ENTREP2: variants seen among roughly 807,000 people sequenced by gnomAD.
ENTREP2 encodes the protein endosomal transmembrane epsin interactor 2.
chr15:29,630,024 G>A, the ENTREP2 span, among the ~76,000 whole-genome samples: 1 of 152,300 alleles, frequency 6.6e-6, no homozygotes, highest in East Asian at 1.9e-4. Context: ...GGCTGAGGCA[G>A]CAGAACGCTT....
At chr15:29,212,389 C>T in the ENTREP2 span, among the ~76,000 whole-genome samples, 1 of 152,114 alleles carries the variant, frequency 6.6e-6, no homozygotes, top group Admixed American at 6.6e-5. Flanking sequence ...GTTAATCTTG[C>T]TAATGGTCTA....
At chr15:29,531,408 G>C in the ENTREP2 span, among the ~76,000 whole-genome samples, 3 of 152,222 alleles carry the variant, frequency 2.0e-5, no homozygotes, top group South Asian at 2.1e-4. Context: ...GGACTGGTGT[G>C]GGGGAGGGCC....
the ENTREP2 span, among the ~76,000 whole-genome samples, chr15:29,429,094 T>C: frequency 6.6e-6 from 1 of 152,202 alleles, no homozygotes; most frequent in African/African-American, 2.4e-5. Context: ...CATCCATCCA[T>C]CCATCTTGAG....
chr15:29,636,026 A>G, the ENTREP2 span, among the ~76,000 whole-genome samples: 1 of 152,180 alleles, frequency 6.6e-6, no homozygotes, highest in Non-Finnish European at 1.5e-5. Context: ...TGCAGGAGCC[A>G]GAGATACAGA....
the ENTREP2 span, among the ~76,000 whole-genome samples, chr15:29,590,704 A>G: frequency 6.7e-6 from 1 of 148,836 alleles, no homozygotes; most frequent in Non-Finnish European, 1.5e-5. Flanking sequence ...AAAAAAAAAA[A>G]GAAAAAGAAA....
the ENTREP2 span, among the ~76,000 whole-genome samples, chr15:29,296,116 C>A: frequency 1.3e-5 from 2 of 152,166 alleles, no homozygotes; most frequent in Non-Finnish European, 2.9e-5. Flanking sequence ...AGTCTGCTGG[C>A]CTACCCTGCA....
At chr15:29,272,450 C>T in the ENTREP2 span, among the ~76,000 whole-genome samples, 6 of 150,584 alleles carry the variant, frequency 4.0e-5, no homozygotes, top group African/African-American at 1.5e-4. Flanking sequence ...CAAAGAGAAA[C>T]CACAATATAA....
chr15:29,568,095 C>CA, the ENTREP2 span, among the ~76,000 whole-genome samples: 1 of 152,242 alleles, frequency 6.6e-6, no homozygotes, highest in Admixed American at 6.5e-5. Flanking sequence ...TGTCTCAACA[C>CA]AGCAGGAACC....
At chr15:29,478,059 C>T in the ENTREP2 span, among the ~76,000 whole-genome samples, 2 of 110,328 alleles carry the variant, frequency 1.8e-5, no homozygotes, top group Non-Finnish European at 3.3e-5. Context: ...GAGTCTTGCT[C>T]TGTCACCCAG....
At chr15:29,360,860 C>T in the ENTREP2 span, among the ~76,000 whole-genome samples, 1 of 152,218 alleles carries the variant, frequency 6.6e-6, no homozygotes, top group Non-Finnish European at 1.5e-5. Context: ...AAGCTATTCC[C>T]TGGACAGGCT....
chr15:29,319,159 C>T, the ENTREP2 span, among the ~76,000 whole-genome samples: 302 of 152,252 alleles, frequency 2.0e-3, no homozygotes, highest in Non-Finnish European at 3.4e-3. Context: ...ACTGAAGACA[C>T]GAGAAATAGT....
At chr15:29,447,839 G>T in the ENTREP2 span, among the ~76,000 whole-genome samples, 1 of 152,016 alleles carries the variant, frequency 6.6e-6, no homozygotes, top group African/African-American at 2.4e-5. Flanking sequence ...AAGGCAGGTG[G>T]ATTACCTGAG....
the ENTREP2 span, among the ~76,000 whole-genome samples, chr15:29,270,945 A>G: frequency 1.3e-5 from 2 of 152,246 alleles, no homozygotes; most frequent in Admixed American, 1.3e-4. Context: ...TATTCAAAGG[A>G]AAGCAATTTA....
chr15:29,452,052 C>G, the ENTREP2 span, among the ~76,000 whole-genome samples: 1 of 152,202 alleles, frequency 6.6e-6, no homozygotes, highest in South Asian at 2.1e-4. Flanking sequence ...AACTTTTACT[C>G]ATTTAAAATG....
At chr15:29,260,862 AAAAG>A in the ENTREP2 span, among the ~76,000 whole-genome samples, 6 of 152,348 alleles carry the variant, frequency 3.9e-5, no homozygotes, top group Admixed American at 2.0e-4. Context: ...TATAATACTA[AAAAG>A]CATTATTAGG....
At chr15:29,230,130 T>C in the ENTREP2 span, among the ~76,000 whole-genome samples, 6 of 152,178 alleles carry the variant, frequency 3.9e-5, no homozygotes, top group Non-Finnish European at 8.8e-5. Context: ...CTTTCAACTA[T>C]TTTTAAAATC....
chr15:29,469,144 A>C, the ENTREP2 span, among the ~76,000 whole-genome samples: 2 of 152,190 alleles, frequency 1.3e-5, no homozygotes, highest in Non-Finnish European at 2.9e-5. Flanking sequence ...GCTGAGGGAA[A>C]TACGCCAGTC....
At chr15:29,126,942 C>T in the ENTREP2 span, among the ~76,000 whole-genome samples, 4 of 152,180 alleles carry the variant, frequency 2.6e-5, no homozygotes, top group South Asian at 2.1e-4. Flanking sequence ...GGATAAACTC[C>T]GCCCACCAGA....
the ENTREP2 span, among the ~76,000 whole-genome samples, chr15:29,305,742 C>T: frequency 5.3e-5 from 8 of 152,126 alleles, no homozygotes; most frequent in Non-Finnish European, 1.0e-4. Context: ...AATGGAAATG[C>T]CTACCAGACA....
Sources: gnomAD v4.1 joint callset for allele counts (sites outside exome capture counted in the v4.1 genomes callset) on GRCh38, gnomAD v4.1.1 for gene constraint, MANE v1.5 for transcripts, NCBI Gene and HGNC (gene_info 2026-07-23, HGNC 2026-07-21) for gene names.